Variants in TMEM178A observed in about 807,000 individuals in gnomAD.
TMEM178A encodes transmembrane protein 178A, also known as transmembrane protein 178.
Under a neutral mutation model 29.1 loss-of-function variants are expected in TMEM178A, and 12 were observed. The observed-to-expected ratio is 0.41, with a 90% CI of 0.26 to 0.67. The LOEUF is 0.67. TMEM178A is among the 30% of genes least tolerant of loss of function. TMEM178A has a pLI of 0.29. For missense variants in TMEM178A, 366 were observed against 419.1 expected (o/e 0.87, Z 1.11); for synonymous variants, 210 against 187.2 (o/e 1.12, Z -0.99).
intron 1 of TMEM178A, among the ~76,000 whole-genome samples, chr2:39,683,913 T>A (rs1670969821): frequency 6.6e-6 from 1 of 152,214 alleles, no homozygotes; most frequent in Non-Finnish European, 1.5e-5. Context: ...AAGCTTTGGA[T>A]TGACTTCTTT....
chr2:39,715,117 T>G (rs1412634191), intron 3 of TMEM178A, among the ~76,000 whole-genome samples: 1 of 152,170 alleles, frequency 6.6e-6, no homozygotes, highest in Non-Finnish European at 1.5e-5. Context: ...CCCAACCCAA[T>G]GCACTTGGAC....
chr2:39,692,107 A>T (rs935697072), intron 1 of TMEM178A, among the ~76,000 whole-genome samples: 4 of 152,190 alleles, frequency 2.6e-5, no homozygotes, highest in African/African-American at 9.7e-5. Context: ...GAATATTCAA[A>T]CTCATAAAAG....
At chr2:39,706,922 C>A in intron 2 of TMEM178A, 127 bp from the exon 3 acceptor site, 1 of 1,096,410 alleles carries the variant, frequency 9.1e-7, no homozygotes, top group Non-Finnish European at 1.3e-6. Flanking sequence ...GCCTCCTTGT[C>A]CTGTGGGCTC....
At chr2:39,702,071 C>G (rs1671805120) in intron 1 of TMEM178A, among the ~76,000 whole-genome samples, 1 of 148,404 alleles carries the variant, frequency 6.7e-6, no homozygotes, top group African/African-American at 2.5e-5. Flanking sequence ...CTATTGACTG[C>G]TTTTTTTTTT....
At chr2:39,719,263 T>G (rs1323750798), downstream of TMEM178A, among the ~76,000 whole-genome samples, 1 of 152,228 alleles carries the variant, frequency 6.6e-6, no homozygotes, top group Admixed American at 6.5e-5. Context: ...GTCAAGACTC[T>G]TGGACATTTA....
chr2:39,700,678 G>C (rs1671742462), intron 1 of TMEM178A, among the ~76,000 whole-genome samples: 1 of 151,366 alleles, frequency 6.6e-6, no homozygotes, highest in Non-Finnish European at 1.5e-5. Context: ...TTTTTGGTAG[G>C]GTAGGATTTA....
chr2:39,672,467 A>G (rs1490059048), intron 1 of TMEM178A, among the ~76,000 whole-genome samples: 1 of 152,214 alleles, frequency 6.6e-6, no homozygotes, highest in African/African-American at 2.4e-5. Flanking sequence ...TCAGATAGCA[A>G]AAAGAGCCCT....
intron 1 of TMEM178A, among the ~76,000 whole-genome samples, chr2:39,685,491 C>T (rs1354390734): frequency 6.6e-6 from 1 of 152,144 alleles, no homozygotes; most frequent in African/African-American, 2.4e-5. Flanking sequence ...ACTCTAAGCT[C>T]TGTGAGGGTA....
chr2:39,673,430 G>C (rs968544661), intron 1 of TMEM178A, among the ~76,000 whole-genome samples: 1 of 152,180 alleles, frequency 6.6e-6, no homozygotes, highest in African/African-American at 2.4e-5. Flanking sequence ...TCTATAACTT[G>C]CTGGATGTCC....
At chr2:39,721,881 C>T (rs1672712097), downstream of TMEM178A, among the ~76,000 whole-genome samples, 1 of 148,178 alleles carries the variant, frequency 6.7e-6, no homozygotes, top group Admixed American at 6.9e-5. Flanking sequence ...GGCTTAGCTA[C>T]TCGGCAGGCT....
chr2:39,704,600 G>T (rs1671942972), intron 2 of TMEM178A, among the ~76,000 whole-genome samples: 1 of 151,952 alleles, frequency 6.6e-6, no homozygotes, highest in Non-Finnish European at 1.5e-5. Flanking sequence ...TCCGACCTTT[G>T]TATTTCTGCT....
At chr2:39,679,636 G>C (rs568980860) in intron 1 of TMEM178A, among the ~76,000 whole-genome samples, 1 of 152,076 alleles carries the variant, frequency 6.6e-6, no homozygotes, top group African/African-American at 2.4e-5. Flanking sequence ...CTTTGTCTCT[G>C]TTCTTTCACA....
chr2:39,729,802 C>G, the TMEM178A span, among the ~76,000 whole-genome samples: 2 of 152,158 alleles, frequency 1.3e-5, no homozygotes, highest in Non-Finnish European at 2.9e-5. Flanking sequence ...GGTGGATATT[C>G]TCCTCTTTTG....
At chr2:39,698,062 CA>C (rs1478827311) in intron 1 of TMEM178A, 10 of 152,158 alleles carry the variant, frequency 6.6e-5, no homozygotes, top group African/African-American at 2.4e-4. Flanking sequence ...GCTTTGTTTC[CA>C]AAAGAGCACA....
At chr2:39,668,270 C>T (rs1196694808) in intron 1 of TMEM178A, among the ~76,000 whole-genome samples, 1 of 152,220 alleles carries the variant, frequency 6.6e-6, no homozygotes, top group Non-Finnish European at 1.5e-5. Flanking sequence ...AAATGGTTGT[C>T]TAGCCCAGTA....
downstream of TMEM178A, among the ~76,000 whole-genome samples, chr2:39,718,782 C>T (rs1188695334): frequency 1.3e-5 from 2 of 152,082 alleles, no homozygotes; most frequent in African/African-American, 2.4e-5. Context: ...GTGGGGCACT[C>T]GCCGACTTCT....
At chr2:39,690,510 G>C (rs934671465) in intron 1 of TMEM178A, among the ~76,000 whole-genome samples, 16 of 152,146 alleles carry the variant, frequency 1.1e-4, no homozygotes, top group African/African-American at 3.9e-4. Context: ...ATTGAGAGAA[G>C]GCCAACAATA....
chr2:39,674,704 C>T (rs1307408922), intron 1 of TMEM178A, among the ~76,000 whole-genome samples: 1 of 152,104 alleles, frequency 6.6e-6, no homozygotes, highest in Non-Finnish European at 1.5e-5. Flanking sequence ...TCTTTTTCTT[C>T]AGGTGTTTGA....
chr2:39,690,883 TA>T (rs1004298761), intron 1 of TMEM178A, among the ~76,000 whole-genome samples: 1 of 152,086 alleles, frequency 6.6e-6, no homozygotes, highest in African/African-American at 2.4e-5. Flanking sequence ...TCAGTAGAGA[TA>T]AAAATCATAC....
Sources: allele counts gnomAD v4.1 joint callset (sites outside exome capture counted in the v4.1 genomes callset), GRCh38; gene constraint gnomAD v4.1.1; transcripts MANE v1.5; gene names NCBI Gene and HGNC (gene_info 2026-07-23, HGNC 2026-07-21).